AHCTF1: variants seen among roughly 807,000 people sequenced by gnomAD.
AHCTF1 encodes AT-hook containing transcription factor 1, also known as protein ELYS.
A neutral mutation model predicts 248.4 loss-of-function variants in AHCTF1; 24 were observed. That is an observed-to-expected ratio of 0.10 (90% CI 0.07 to 0.14). The LOEUF (loss-of-function observed/expected upper bound fraction) is 0.14. AHCTF1 is among the 10% of genes least tolerant of loss of function. The pLI is 1.00. For missense variants in AHCTF1, 2,206 were observed against 2,636.2 expected, an observed-to-expected ratio of 0.84 and a Z score of 3.57; for synonymous variants, 786 against 929.8, an observed-to-expected ratio of 0.85 and a Z score of 2.81.
intron 1 of AHCTF1, among the ~76,000 whole-genome samples, chr1:246,927,144 C>G (rs139268547): frequency 1.3e-5 from 2 of 151,420 alleles, no homozygotes; most frequent in Non-Finnish European, 1.5e-5. Context: ...TGCCACTGCA[C>G]TCCAGCCTGG....
chr1:246,868,813 A>AT (rs1336161233), intron 24 of AHCTF1, among the ~76,000 whole-genome samples: 1 of 145,902 alleles, frequency 6.9e-6, no homozygotes, highest in Non-Finnish European at 1.5e-5. Context: ...ACCTCATTTT[A>AT]TTGTGCTTTG....
Position 246,900,191 on chromosome 1 carries a change from C to T in AHCTF1, c.1306G>A (p.Val436Ile). 6.2e-7 allele frequency: 1 copy of T among 1,607,552 alleles called. No individual in the cohort carries two copies. The highest frequency in any genetic ancestry group is 8.5e-7 in the Non-Finnish European group (1 of 1,178,266). ...CCATGTGGAGAAGTCCTACTTACAA[C>T]AGACTCCAATGACCACAGTGCAAAA... Reference protein sequence around the residue: ...SYFALWSLESVVSRTSPHGIL... With the variant: ...SYFALWSLESIVSRTSPHGIL... Residue 436 changes from valine to isoleucine, a missense_variant, in exon 10 of 36, where the codon GTT becomes ATT. By Grantham distance (29) the Val-to-Ile change is conservative. This residue lies in a region of AHCTF1 where 650 missense variants were observed against 870.8 expected (regional missense o/e 0.75). Coordinates refer to ENST00000648844, the MANE Select transcript of AHCTF1 (RefSeq NM_001323342.2).
chr1:246,872,052 A>C (rs1662630007), intron 24 of AHCTF1, among the ~76,000 whole-genome samples: 1 of 51,150 alleles, frequency 2.0e-5, no homozygotes, highest in Admixed American at 1.9e-4. Context: ...TATTAATGAC[A>C]AAAAAAAAAA....
chr1:246,875,290 A>G (rs1662857904), intron 24 of AHCTF1, among the ~76,000 whole-genome samples: 3 of 152,020 alleles, frequency 2.0e-5, no homozygotes, highest in Admixed American at 2.0e-4. Flanking sequence ...CCTCTCCATA[A>G]AACCCTCCTG....
At position 246,869,936 on chromosome 1, in the gene AHCTF1, G is replaced by A. The variant is rs142641335; in HGVS notation, c.3089-2125C>T. On this transcript the variant is annotated intron_variant, in intron 24 of 35. Coordinates refer to ENST00000648844, the MANE Select transcript of AHCTF1 (RefSeq NM_001323342.2). Reference sequence around the variant, plus strand: ...AGATAGTGATTCCTCTGAGAGATCCGAACAAAGTCCTTTGAAAACCTTCTG... The same window carrying A: ...AGATAGTGATTCCTCTGAGAGATCCAAACAAAGTCCTTTGAAAACCTTCTG... 3.4e-3 allele frequency among the ~76,000 whole-genome samples: 523 copies of A among 152,210 alleles called. 2 individuals are homozygous for A. The highest frequency in any genetic ancestry group is 0.011 in the African/African-American group (440 of 41,534).
In AHCTF1 at chr1:246,927,573, C is replaced by T. The variant is rs537123404; in HGVS notation, c.-8+4005G>A. On this transcript the variant is annotated intron_variant, in intron 1 of 35. Coordinates refer to ENST00000648844, the MANE Select transcript of AHCTF1 (RefSeq NM_001323342.2). ...ACACATGAAACACCTACGTTCAGTA[C>T]TGTACAAAATTAAACAGAATCCCAG... 2.6e-5 allele frequency among the ~76,000 whole-genome samples: 4 copies of T among 152,366 alleles called. No homozygotes were observed. In the East Asian group the frequency reaches 7.7e-4, roughly 29 times the overall value.
intron 21 of AHCTF1, among the ~76,000 whole-genome samples, 168 bp from the exon 22 acceptor site, chr1:246,877,470 TAAG>T (rs761289993): frequency 2.6e-5 from 4 of 152,218 alleles, no homozygotes; most frequent in Non-Finnish European, 4.4e-5. Flanking sequence ...ATAATCTTGC[TAAG>T]AATGTCAGTA....
At chr1:246,929,904 T>G (rs909236434) in intron 1 of AHCTF1, among the ~76,000 whole-genome samples, 1 of 151,992 alleles carries the variant, frequency 6.6e-6, no homozygotes, top group Non-Finnish European at 1.5e-5. Flanking sequence ...ATACAAAAAT[T>G]AGCCGGGTGT....
intron 5 of AHCTF1, among the ~76,000 whole-genome samples, chr1:246,907,309 A>G (rs1048497395): frequency 2.0e-5 from 3 of 152,230 alleles, no homozygotes; most frequent in Non-Finnish European, 2.9e-5. Flanking sequence ...TAAACACATG[A>G]CTGTAATGCC....
At chr1:246,852,813 AAC>A (rs1660810669) in intron 32 of AHCTF1, among the ~76,000 whole-genome samples, 1 of 152,016 alleles carries the variant, frequency 6.6e-6, no homozygotes, top group Admixed American at 6.5e-5. Flanking sequence ...GCTGGTCTCA[AAC>A]TCTTGGGCTC....
chr1:246,841,923 G>A (rs1659893877), intron 35 of AHCTF1, among the ~76,000 whole-genome samples: 1 of 151,296 alleles, frequency 6.6e-6, no homozygotes, highest in Non-Finnish European at 1.5e-5. Flanking sequence ...AGAGTAGCTG[G>A]GACTACAGGC....
rs114916491 is a variant in AHCTF1 at position 246,921,774 on chromosome 1, G to C, written c.-7-3397C>G. 9.3e-3 allele frequency among the ~76,000 whole-genome samples: 1,421 copies of C among 152,216 alleles called. 27 individuals are homozygous for C. The highest frequency in any genetic ancestry group is 0.032 in the African/African-American group (1,343 of 41,544). ...CCAACATAATTATATATTACTGAAA[G>C]GATCCTTAACAAATACGAAATATGT... On this transcript the variant is annotated intron_variant, in intron 1 of 35. Transcript: ENST00000648844.
At chr1:246,881,522 C>G (rs775729601) in intron 21 of AHCTF1, among the ~76,000 whole-genome samples, 37 of 152,116 alleles carry the variant, frequency 2.4e-4, no homozygotes, top group South Asian at 4.2e-4. Context: ...TCAAGTCTTA[C>G]CAAAAAAATT....
rs150139369 is a variant in AHCTF1, at chr1:246,931,103, A to G, written c.-8+475T>C. 352 of 1,547,422 alleles carry G rather than the reference A, an allele frequency of 2.3e-4. 1 individual carries two copies. The African/African-American group carries it at 3.8e-3, about 17-fold the overall frequency. ...ACCTCACGGCTGAGCCCCGAGTCCA[A>G]CTTCTTCCCCGCCAGGACTACTCAC... On this transcript the variant is annotated intron_variant, in intron 1 of 35. Coordinates refer to ENST00000648844, the MANE Select transcript of AHCTF1 (RefSeq NM_001323342.2).
intron 17 of AHCTF1, among the ~76,000 whole-genome samples, chr1:246,889,058 C>T (rs1011562109): frequency 6.6e-6 from 1 of 152,168 alleles, no homozygotes; most frequent in Non-Finnish European, 1.5e-5. Context: ...TGTGGTCCAT[C>T]CAGCCAGTGA....
intron 8 of AHCTF1, among the ~76,000 whole-genome samples, chr1:246,902,223 A>G (rs968767439): frequency 2.0e-5 from 3 of 152,344 alleles, no homozygotes; most frequent in East Asian, 1.9e-4. Flanking sequence ...ACATGGCTCA[A>G]AAAATACACG....
chr1:246,905,291 AG>A (rs1665300181), intron 6 of AHCTF1, among the ~76,000 whole-genome samples: 2 of 152,166 alleles, frequency 1.3e-5, no homozygotes, highest in Non-Finnish European at 2.9e-5. Context: ...TGAGGTCAGG[AG>A]TTCAAGACCA....
intron 1 of AHCTF1, among the ~76,000 whole-genome samples, chr1:246,930,641 G>C (rs1667282445): frequency 6.6e-6 from 1 of 151,004 alleles, no homozygotes; most frequent in African/African-American, 2.4e-5. Flanking sequence ...TCAAACTCCT[G>C]GGTTCAAGCG....
chr1:246,859,581 T>C (rs956167760), intron 29 of AHCTF1, among the ~76,000 whole-genome samples: 1 of 152,164 alleles, frequency 6.6e-6, no homozygotes, highest in African/African-American at 2.4e-5. Context: ...ATATTTTTTT[T>C]CTTTTTGAGA....
Sources: gnomAD v4.1 joint callset for allele counts (sites outside exome capture counted in the v4.1 genomes callset) on GRCh38, gnomAD v4.1.1 for gene constraint, gnomAD v4.1.1 regional missense constraint, MANE v1.5 for transcripts, NCBI Gene and HGNC (gene_info 2026-07-23, HGNC 2026-07-21) for gene names.